SSBP3: variants seen among roughly 807,000 people sequenced by gnomAD.
SSBP3 encodes single-stranded DNA-binding protein 3.
A neutral mutation model predicts 69.6 loss-of-function variants in SSBP3; 5 were observed. The ratio of observed to expected loss-of-function variants is 0.07; its 90% CI spans 0.04 to 0.15. The LOEUF (loss-of-function observed/expected upper bound fraction) is 0.15. SSBP3 is among the 10% of genes least tolerant of loss of function. The probability of loss-of-function intolerance (pLI) is 1.00; values close to 1 mark genes in which losing one functional copy is unlikely to be tolerated. For missense variants in SSBP3, 312 were observed against 534.0 expected, an observed-to-expected ratio of 0.58 and a Z score of 4.10; for synonymous variants, 196 against 193.4, an observed-to-expected ratio of 1.01 and a Z score of -0.11.
At chr1:54,303,588 C>A (rs939254146) in intron 4 of SSBP3, among the ~76,000 whole-genome samples, 3 of 152,298 alleles carry the variant, frequency 2.0e-5, no homozygotes, top group African/African-American at 7.2e-5. Flanking sequence ...TGCCCATAAA[C>A]AGCAGTCAAG....
chr1:54,273,659 C>A (rs1437128719), intron 5 of SSBP3, among the ~76,000 whole-genome samples: 1 of 152,202 alleles, frequency 6.6e-6, no homozygotes, highest in Non-Finnish European at 1.5e-5. Flanking sequence ...CCAGCCCGGA[C>A]CCATGTGCTT....
chr1:54,314,916 A>T (rs546717845), intron 4 of SSBP3, among the ~76,000 whole-genome samples: 1 of 152,194 alleles, frequency 6.6e-6, no homozygotes, highest in Non-Finnish European at 1.5e-5. Flanking sequence ...GATAAGCAGG[A>T]AAGGGGGAAG....
chr1:54,333,000 G>A (rs1385047045), intron 4 of SSBP3, among the ~76,000 whole-genome samples: 1 of 152,198 alleles, frequency 6.6e-6, no homozygotes, highest in African/African-American at 2.4e-5. Context: ...CAGCAGTTCT[G>A]CTGCGCTTGA....
chr1:54,237,052 G>A (rs756020717), intron 14 of SSBP3: 2 of 152,204 alleles, frequency 1.3e-5, no homozygotes, highest in Admixed American at 6.5e-5. Context: ...AATCTCTTAC[G>A]TCTTCAGTGG....
chr1:54,295,384 C>A (rs1315671389), intron 4 of SSBP3, among the ~76,000 whole-genome samples: 1 of 152,244 alleles, frequency 6.6e-6, no homozygotes, highest in Non-Finnish European at 1.5e-5. Flanking sequence ...GCTTCCTAGT[C>A]CAAGTGGGTA....
upstream of SSBP3, among the ~76,000 whole-genome samples, chr1:54,407,598 TGTTTTTAGAGA>T (rs1376990121): frequency 6.6e-6 from 1 of 152,108 alleles, no homozygotes; most frequent in Admixed American, 6.5e-5. Flanking sequence ...ATTTTCAGAC[TGTTTTTAGAGA>T]GCGGATCTCT....
intron 4 of SSBP3, among the ~76,000 whole-genome samples, chr1:54,364,848 A>G (rs1224112422): frequency 2.0e-5 from 3 of 152,200 alleles, no homozygotes; most frequent in Non-Finnish European, 4.4e-5. Flanking sequence ...CATTACCTGC[A>G]ACGTCAGCTT....
At position 54,258,638 on chromosome 1, in the gene SSBP3, C is replaced by T. The variant is rs150516611; in HGVS notation, c.367-489G>A. Among the ~76,000 whole-genome samples the T allele has an allele frequency of 1.3e-5, 2 of 152,152 alleles. No homozygotes were observed. Among genetic ancestry groups the T allele is most frequent in the African/African-American group, 2.4e-5 (1 of 41,498 alleles). On this transcript the variant is annotated intron_variant, in intron 5 of 17. Transcript: ENST00000610401. The surrounding 1 kb of genome is among the most constrained non-coding windows in gnomAD (Gnocchi z 4.5). ...GACAGTGACACGGCTATGGGTGACT[C>T]GAGGCAGTACTGATCAAGTGTCAGG...
exon 18 of SSBP3, chr1:54,225,608 AGAT>A: frequency 2.4e-6 from 1 of 411,702 alleles, no homozygotes; most frequent in Non-Finnish European, 4.1e-6. Flanking sequence ...TTTTTCAGGC[AGAT>A]GATATCTCAC....
intron 4 of SSBP3, among the ~76,000 whole-genome samples, chr1:54,323,529 T>C (rs1415948523): frequency 6.6e-6 from 1 of 152,168 alleles, no homozygotes; most frequent in Non-Finnish European, 1.5e-5. Context: ...CATCAGACCC[T>C]GTCCCAACAG....
chr1:54,270,231 G>C (rs950655872), intron 5 of SSBP3, among the ~76,000 whole-genome samples: 1 of 152,186 alleles, frequency 6.6e-6, no homozygotes, highest in African/African-American at 2.4e-5. Flanking sequence ...GTGACAGAAT[G>C]CAGGCGCACA....
At chr1:54,252,097 C>T (rs767352533) in intron 7 of SSBP3, among the ~76,000 whole-genome samples, 6 of 152,154 alleles carry the variant, frequency 3.9e-5, no homozygotes, top group Admixed American at 2.0e-4. Flanking sequence ...GGGAAACCAC[C>T]GCCTCATCCT....
intron 14 of SSBP3, among the ~76,000 whole-genome samples, chr1:54,233,269 G>A (rs1426719862): frequency 1.0e-4 from 15 of 150,012 alleles, no homozygotes; most frequent in South Asian, 2.1e-4. Flanking sequence ...CTGCCCGGCC[G>A]CGACCCCATC....
chr1:54,295,864 G>C (rs916445097), intron 4 of SSBP3, among the ~76,000 whole-genome samples: 1 of 152,132 alleles, frequency 6.6e-6, no homozygotes. Flanking sequence ...GGCTACCCTG[G>C]ACACAAGGCA....
intron 5 of SSBP3, among the ~76,000 whole-genome samples, chr1:54,268,080 C>T (rs1044930275): frequency 2.0e-5 from 3 of 152,206 alleles, no homozygotes; most frequent in Non-Finnish European, 2.9e-5. Context: ...CTGTGCCCCA[C>T]GGGGAGAGTC....
intron 4 of SSBP3, among the ~76,000 whole-genome samples, chr1:54,373,787 C>A (rs895598352): frequency 1.0e-4 from 15 of 146,378 alleles, no homozygotes; most frequent in East Asian, 6.2e-4. Flanking sequence ...AAAAAAAAAA[C>A]AGGAATGCCT....
chr1:54,230,950 A>G (rs1248727426), intron 14 of SSBP3, among the ~76,000 whole-genome samples: 3 of 152,162 alleles, frequency 2.0e-5, no homozygotes, highest in East Asian at 1.9e-4. Context: ...CTGTCTGACT[A>G]TTATGACTAA....
intron 4 of SSBP3, among the ~76,000 whole-genome samples, chr1:54,313,486 T>C (rs1646043036): frequency 7.2e-6 from 1 of 139,312 alleles, no homozygotes; most frequent in African/African-American, 2.7e-5. Flanking sequence ...GGGGTCTCAC[T>C]ATGTTGCCGA....
At chr1:54,403,608 C>A (rs1649462720) in intron 3 of SSBP3, among the ~76,000 whole-genome samples, 2 of 152,218 alleles carry the variant, frequency 1.3e-5, no homozygotes, top group Admixed American at 1.3e-4. Flanking sequence ...ACAGACACTT[C>A]ATCCTCCTGC....
Sources: gnomAD v4.1 joint callset for allele counts (sites outside exome capture counted in the v4.1 genomes callset) on GRCh38, gnomAD v4.1.1 for gene constraint, Gnocchi (gnomAD v3.1) non-coding constraint, MANE v1.5 for transcripts, NCBI Gene and HGNC (gene_info 2026-07-23, HGNC 2026-07-21) for gene names.